The following EXPH5 variants were observed in gnomAD, a reference collection of about 807,000 sequenced individuals.
EXPH5 encodes exophilin 5.
In EXPH5, 42 loss-of-function variants were observed where a neutral mutation model predicts 41.1. The ratio of observed to expected loss-of-function variants is 1.02; its 90% CI spans 0.80 to 1.32. The LOEUF (loss-of-function observed/expected upper bound fraction) is 1.32, where lower values mean the gene tolerates loss of function less well. Ranked by LOEUF, EXPH5 falls within the 40% of genes most tolerant of loss-of-function variation. The probability of loss-of-function intolerance (pLI) is 0.00; values close to 1 mark genes in which losing one functional copy is unlikely to be tolerated. For missense variants in EXPH5, 2,298 were observed against 2,314.5 expected (o/e 0.99, Z 0.15); for synonymous variants, 798 against 833.5 (o/e 0.96, Z 0.73).
chr11:108,540,846 C>T (rs760038877), intron 2 of EXPH5, among the ~76,000 whole-genome samples: 8 of 152,068 alleles, frequency 5.3e-5, no homozygotes, highest in Admixed American at 1.3e-4. Context: ...TCTTCCTCCC[C>T]CTGCATCATA....
intron 1 of EXPH5, among the ~76,000 whole-genome samples, chr11:108,590,081 A>G (rs2094123841): frequency 1.3e-5 from 2 of 152,230 alleles, no homozygotes; most frequent in South Asian, 4.1e-4. Flanking sequence ...GAAATATCCA[A>G]GAATTGGACA....
In EXPH5 at chr11:108,510,800, A is replaced by G. The variant is rs1313236179; in HGVS notation, c.4707T>C (p.Leu1569=). The change falls in exon 6 of 6, where the codon CTT becomes CTC. Residue 1569 remains leucine (L), a synonymous_variant. Coordinates refer to ENST00000265843, the MANE Select transcript of EXPH5 (RefSeq NM_015065.3). Reference sequence around the variant, plus strand: ...TGGTTTTATTTTTGTTTCCTTCAGGAAGTGAAGGTTGATCCCAAGCTGACT... The same window carrying G: ...TGGTTTTATTTTTGTTTCCTTCAGGGAGTGAAGGTTGATCCCAAGCTGACT... ...MQKSAWDQPS[L]PEGNKNKTNL... The G allele has an allele frequency of 2.5e-6, 4 of 1,613,894 alleles. No individual in the cohort carries two copies. The highest frequency in any genetic ancestry group is 3.4e-6 in the Non-Finnish European group (4 of 1,180,010).
At chr11:108,563,148 A>C (rs1411372484) in intron 1 of EXPH5, among the ~76,000 whole-genome samples, 7 of 152,184 alleles carry the variant, frequency 4.6e-5, no homozygotes, top group Admixed American at 2.6e-4. Context: ...CAGGGAGCTT[A>C]ACTGGTACGA....
At chr11:108,519,742 T>C (rs11212689) in intron 4 of EXPH5, among the ~76,000 whole-genome samples, 46,565 of 149,982 alleles carry the variant, frequency 0.31, 10,065 homozygotes, top group African/African-American at 0.62. Flanking sequence ...AGTGAGACTC[T>C]GTCTTGGAAA....
At chr11:108,591,258 G>A (rs963061454) in intron 1 of EXPH5, among the ~76,000 whole-genome samples, 2 of 152,162 alleles carry the variant, frequency 1.3e-5, no homozygotes, top group African/African-American at 4.8e-5. Flanking sequence ...TTTTGATTTG[G>A]AAAATATGAT....
At chr11:108,520,542 C>T (rs575032018) in intron 4 of EXPH5, among the ~76,000 whole-genome samples, 3 of 143,844 alleles carry the variant, frequency 2.1e-5, no homozygotes, top group East Asian at 2.0e-4. Flanking sequence ...AATTTGTTTT[C>T]CTTTATTATT....
In EXPH5 at chr11:108,513,548, C is replaced by T; in HGVS notation, c.1959G>A (p.Leu653=). The change falls in exon 6 of 6, where the codon TTG becomes TTA. Residue 653 remains leucine (L), a synonymous_variant. Transcript: ENST00000265843. ...CAGGCTTATTTGGAAAAATTTTCTG[C>T]AAAGTGACTGTGGGATTCTGCAAGT... The part of the protein sequence containing the change: ...SPNLQNPTVT[L]QKIFPNKPAS... The T allele has an allele frequency of 1.2e-6, 2 of 1,614,176 alleles. No homozygotes were observed. The highest frequency in any genetic ancestry group is 1.7e-6 in the Non-Finnish European group (2 of 1,180,028).
At chr11:108,519,775 C>A (rs11212690) in intron 4 of EXPH5, among the ~76,000 whole-genome samples, 11,181 of 149,620 alleles carry the variant, frequency 0.075, 1,246 homozygotes, top group African/African-American at 0.24. Flanking sequence ...GAAAAAAAAA[C>A]CCACAAAAAA....
chr11:108,575,684 T>C lies in EXPH5; in HGVS notation c.119+17734A>G, dbSNP rs115375348. 6.1e-3 allele frequency among the ~76,000 whole-genome samples: 932 copies of C among 152,302 alleles called. 11 individuals carry two copies. The highest frequency in any genetic ancestry group is 0.021 in the African/African-American group (893 of 41,568). On this transcript the variant is annotated intron_variant, in intron 1 of 5. Coordinates refer to ENST00000265843, the MANE Select transcript of EXPH5 (RefSeq NM_015065.3). Reference sequence around the variant, plus strand: ...GACCACAACTGTGTTAAAAGTAATGTGGGCGAAGGCTGGGTGCGGTGGCTC... The same window carrying C: ...GACCACAACTGTGTTAAAAGTAATGCGGGCGAAGGCTGGGTGCGGTGGCTC...
chr11:108,593,965 A>G (rs1441641023), upstream of EXPH5, among the ~76,000 whole-genome samples: 2 of 151,850 alleles, frequency 1.3e-5, no homozygotes, highest in Non-Finnish European at 2.9e-5. Flanking sequence ...AGGCAAGGCT[A>G]AGTGTTGGCG....
At chr11:108,589,749 T>A (rs529963818) in intron 1 of EXPH5, among the ~76,000 whole-genome samples, 1 of 152,352 alleles carries the variant, frequency 6.6e-6, no homozygotes, top group South Asian at 2.1e-4. Flanking sequence ...GTGAGGATTA[T>A]TCAATCTTGA....
intron 3 of EXPH5, among the ~76,000 whole-genome samples, chr11:108,533,308 A>T (rs556515500): frequency 6.6e-6 from 1 of 151,678 alleles, no homozygotes; most frequent in South Asian, 2.1e-4. Flanking sequence ...GGTTCGAGTG[A>T]TTCTCCTGCC....
At chr11:108,526,341 G>T (rs372689823) in intron 4 of EXPH5, among the ~76,000 whole-genome samples, 2 of 152,138 alleles carry the variant, frequency 1.3e-5, no homozygotes, top group Non-Finnish European at 2.9e-5. Flanking sequence ...AAATGGTTTC[G>T]TGCAAGTGGG....
intron 1 of EXPH5, among the ~76,000 whole-genome samples, chr11:108,546,955 A>G: frequency 6.6e-6 from 1 of 151,726 alleles, no homozygotes; most frequent in Non-Finnish European, 1.5e-5. Flanking sequence ...GGCACGTGCC[A>G]CCACGCCCAG....
At chr11:108,538,516 T>C (rs1294427468) in intron 3 of EXPH5, among the ~76,000 whole-genome samples, 1 of 152,210 alleles carries the variant, frequency 6.6e-6, no homozygotes, top group Non-Finnish European at 1.5e-5. Flanking sequence ...GCCTTCAGTA[T>C]TTCTAGTAAC....
intron 1 of EXPH5, among the ~76,000 whole-genome samples, chr11:108,570,247 TA>T (rs912052204): frequency 2.3e-4 from 21 of 92,426 alleles, no homozygotes; most frequent in African/African-American, 7.2e-4. Context: ...TTTTAAAAAA[TA>T]AAAAAAATTA....
chr11:108,589,891 G>A (rs2094123368), intron 1 of EXPH5, among the ~76,000 whole-genome samples: 1 of 152,220 alleles, frequency 6.6e-6, no homozygotes, highest in South Asian at 2.1e-4. Context: ...ACCTAATGAG[G>A]TTATTGGGAG....
chr11:108,595,597 G>C (rs923408011), upstream of EXPH5, among the ~76,000 whole-genome samples: 1 of 152,214 alleles, frequency 6.6e-6, no homozygotes, highest in Non-Finnish European at 1.5e-5. Flanking sequence ...AGAGCATGTA[G>C]TCTCCACAGG....
intron 4 of EXPH5, among the ~76,000 whole-genome samples, chr11:108,524,056 G>A (rs980311267): frequency 6.7e-5 from 10 of 150,368 alleles, no homozygotes; most frequent in Non-Finnish European, 1.3e-4. Flanking sequence ...ACATGACTTT[G>A]GGATTACTAA....
Sources: allele counts gnomAD v4.1 joint callset (sites outside exome capture counted in the v4.1 genomes callset), GRCh38; gene constraint gnomAD v4.1.1; transcripts MANE v1.5; gene names NCBI Gene and HGNC (gene_info 2026-07-23, HGNC 2026-07-21).